MYT1L: variants seen among roughly 807,000 people sequenced by gnomAD.
MYT1L encodes the protein myelin transcription factor 1-like protein.
A neutral mutation model predicts 126.7 loss-of-function variants in MYT1L; 12 were observed. That is an observed-to-expected ratio of 0.09 (90% CI 0.06 to 0.15). The LOEUF is 0.15. MYT1L is among the 10% of genes least tolerant of loss of function. MYT1L has a pLI of 1.00. For synonymous variants in MYT1L, 541 were observed against 604.2 expected (o/e 0.90, Z 1.53); for missense variants, 979 against 1,585.2 (o/e 0.62, Z 6.49).
At chr2:2,031,790 T>C (rs2066307999) in intron 4 of MYT1L, among the ~76,000 whole-genome samples, 2 of 139,426 alleles carry the variant, frequency 1.4e-5, no homozygotes, top group South Asian at 4.8e-4. Context: ...CGCCAGTGCC[T>C]CTCATCCTGT....
At chr2:2,276,420 T>C (rs1345719491) in intron 2 of MYT1L, among the ~76,000 whole-genome samples, 1 of 152,194 alleles carries the variant, frequency 6.6e-6, no homozygotes, top group Non-Finnish European at 1.5e-5. Flanking sequence ...TTCTTTAAAA[T>C]GTTACAAATA....
chr2:2,027,472 A>G (rs924733130), intron 4 of MYT1L, among the ~76,000 whole-genome samples: 2 of 152,222 alleles, frequency 1.3e-5, no homozygotes, highest in African/African-American at 4.8e-5. Context: ...TCTTGGATTC[A>G]TGGGGATGAT....
At position 1,878,702 on chromosome 2, in the gene MYT1L, G is replaced by A. The variant is rs923190282; in HGVS notation, c.2711+7837C>T. Among the ~76,000 whole-genome samples the A allele has an allele frequency of 2.6e-5, 4 of 152,278 alleles. No individual in the cohort carries two copies. In the East Asian group the frequency reaches 7.7e-4, roughly 29 times the overall value. On this transcript the variant is annotated intron_variant, in intron 18 of 24. Coordinates refer to ENST00000647738, the MANE Select transcript of MYT1L (RefSeq NM_001303052.2). ...AGAACAGGCAACTTCATCCCAGAAA[G>A]CTCCATCGGGCATTTCAGGCTCTCA...
chr2:2,021,462 T>C (rs2149830819), intron 4 of MYT1L, among the ~76,000 whole-genome samples: 1 of 152,274 alleles, frequency 6.6e-6, no homozygotes, highest in South Asian at 2.1e-4. Flanking sequence ...CTGTTCTATC[T>C]GGAAAATAGG....
intron 8 of MYT1L, among the ~76,000 whole-genome samples, chr2:1,965,507 T>C (rs985067570): frequency 6.6e-6 from 1 of 152,226 alleles, no homozygotes; most frequent in Non-Finnish European, 1.5e-5. Context: ...AGGCACTCTG[T>C]GACTTGCAAA....
At chr2:2,269,853 C>A (rs952631158) in intron 2 of MYT1L, among the ~76,000 whole-genome samples, 6 of 152,354 alleles carry the variant, frequency 3.9e-5, no homozygotes, top group Admixed American at 2.0e-4. Flanking sequence ...ATTCTCCCAG[C>A]CAGAATTATG....
rs564759543 is a variant in MYT1L, at chr2:2,127,664, C to T, written c.-304+45208G>A. On this transcript the variant is annotated intron_variant, in intron 3 of 24. Transcript: ENST00000647738. Reference sequence around the variant, plus strand: ...GTAAATGAACCACGCAGCATGTGCACGTCTGTGTCTGGACTGAGCTCCGCA... The same window carrying T: ...GTAAATGAACCACGCAGCATGTGCATGTCTGTGTCTGGACTGAGCTCCGCA... Among the ~76,000 whole-genome samples the T allele has an allele frequency of 6.3e-4, 96 of 152,266 alleles. 2 individuals are homozygous for T. The South Asian group carries it at 0.015, about 24-fold the overall frequency.
intron 21 of MYT1L, chr2:1,825,627 G>T (rs886888445): frequency 3.9e-5 from 6 of 152,102 alleles, no homozygotes; most frequent in Non-Finnish European, 8.8e-5. Context: ...AAAAGATCAG[G>T]TTCCCCATCT....
intron 1 of MYT1L, among the ~76,000 whole-genome samples, chr2:2,307,643 A>G (rs1189051863): frequency 2.0e-5 from 3 of 152,058 alleles, no homozygotes; most frequent in East Asian, 3.9e-4. Context: ...TCCAGGACCT[A>G]CACTTCAGTA....
intron 3 of MYT1L, among the ~76,000 whole-genome samples, chr2:2,068,502 T>A (rs2074150882): frequency 6.6e-6 from 1 of 152,046 alleles, no homozygotes; most frequent in African/African-American, 2.4e-5. Context: ...TCCCTGCACA[T>A]TCCATATTAG....
chr2:2,153,988 A>G (rs953636163), intron 3 of MYT1L, among the ~76,000 whole-genome samples: 1 of 152,190 alleles, frequency 6.6e-6, no homozygotes, highest in Admixed American at 6.5e-5. Context: ...CAAGTGAAGA[A>G]GAGATGGGAG....
intron 13 of MYT1L, among the ~76,000 whole-genome samples, chr2:1,909,682 C>A (rs1333264353): frequency 6.6e-6 from 1 of 152,160 alleles, no homozygotes. Context: ...AGTCATTTAA[C>A]CTCCGCACTC....
chr2:2,184,870 CAA>C (rs1344323699), intron 2 of MYT1L, among the ~76,000 whole-genome samples: 4 of 152,204 alleles, frequency 2.6e-5, no homozygotes, highest in African/African-American at 4.8e-5. Context: ...AGGGACCCGC[CAA>C]GAGAGGCCGC....
At chr2:2,263,913 A>T (rs186890066) in intron 2 of MYT1L, among the ~76,000 whole-genome samples, 172 of 152,360 alleles carry the variant, frequency 1.1e-3, no homozygotes, top group African/African-American at 4.0e-3. Context: ...TTGGGGTAAC[A>T]AATCTGCACA....
intron 3 of MYT1L, among the ~76,000 whole-genome samples, chr2:2,161,130 T>A (rs1471632261): frequency 2.0e-5 from 3 of 152,098 alleles, no homozygotes; most frequent in African/African-American, 7.2e-5. Flanking sequence ...TGAGAATTGC[T>A]TGAACCCGGG....
At chr2:2,217,122 T>C (rs2093698347) in intron 2 of MYT1L, among the ~76,000 whole-genome samples, 1 of 152,192 alleles carries the variant, frequency 6.6e-6, no homozygotes, top group Admixed American at 6.5e-5. Context: ...ACAAATTCTT[T>C]CAGAAAATTT....
intron 2 of MYT1L, among the ~76,000 whole-genome samples, chr2:2,243,281 A>G (rs1042304637): frequency 2.6e-5 from 4 of 152,238 alleles, no homozygotes; most frequent in Admixed American, 2.6e-4. Context: ...GCCCTAAGAA[A>G]GTTTACCATT....
chr2:1,900,569 G>A (rs1447694732), intron 14 of MYT1L, among the ~76,000 whole-genome samples: 1 of 152,116 alleles, frequency 6.6e-6, no homozygotes, highest in Non-Finnish European at 1.5e-5. Flanking sequence ...AAAGTGCTGG[G>A]ATTACAGGCG....
At position 1,889,939 on chromosome 2, in the gene MYT1L, C is replaced by T. The variant is rs1203612054; in HGVS notation, c.2284-462G>A. Among the ~76,000 whole-genome samples the T allele has an allele frequency of 6.6e-6, 1 of 151,958 alleles. No individual in the cohort carries two copies. The highest frequency in any genetic ancestry group is 1.5e-5 in the Non-Finnish European group (1 of 68,012). On this transcript the variant is annotated intron_variant, in intron 15 of 24. Transcript: ENST00000647738. This position sits in a 1 kb window ranked among gnomAD's most constrained non-coding sequence, Gnocchi z 4.1. ...GTGCATGTGTGTGTGTGTATAAACA[C>T]ACATATATCAGCTTAAAAATTCTCT...
Sources: allele counts gnomAD v4.1 joint callset (sites outside exome capture counted in the v4.1 genomes callset), GRCh38; gene constraint gnomAD v4.1.1; non-coding constraint Gnocchi (gnomAD v3.1); transcripts MANE v1.5; gene names NCBI Gene and HGNC (gene_info 2026-07-23, HGNC 2026-07-21).